The following MARCHF6 variants were observed in gnomAD, a reference collection of about 807,000 sequenced individuals.
MARCHF6 encodes the protein membrane associated ring-CH-type finger 6, also known as E3 ubiquitin-protein ligase MARCHF6.
Under a neutral mutation model 133.7 loss-of-function variants are expected in MARCHF6, and 31 were observed. That is an observed-to-expected ratio of 0.23 (90% CI 0.17 to 0.31). The LOEUF (loss-of-function observed/expected upper bound fraction) is 0.31. Among genes scored for constraint, MARCHF6 ranks in the 10% least tolerant of loss-of-function variants. The pLI, the probability that MARCHF6 is intolerant of heterozygous loss-of-function variation, is 1.00. For missense variants in MARCHF6, 723 were observed against 1,121.6 expected, an observed-to-expected ratio of 0.64 and a Z score of 5.08; for synonymous variants, 395 against 402.5, an observed-to-expected ratio of 0.98 and a Z score of 0.22.
At position 10,377,908 on chromosome 5, in the gene MARCHF6, T is replaced by C. The variant is rs551982830; in HGVS notation, c.116+14T>C. ...CCATCAAGAATGGTAAGTCATACTTTTAGAAAGTTATGTAAGTCTGAGCTT... is the reference window on the plus strand; with the variant it reads ...CCATCAAGAATGGTAAGTCATACTTCTAGAAAGTTATGTAAGTCTGAGCTT... On this transcript the variant is annotated intron_variant, in intron 2 of 25. Coordinates refer to ENST00000274140, the MANE Select transcript of MARCHF6 (RefSeq NM_005885.4). 2.6e-6 allele frequency: 4 copies of C among 1,525,424 alleles called. No homozygotes were observed. The highest frequency in any genetic ancestry group is 2.3e-5 in the East Asian group (1 of 44,424). The allele number at this position is 1,525,424 out of a possible 1,614,324, so 94.5% of individuals were successfully genotyped here.
intron 1 of MARCHF6, among the ~76,000 whole-genome samples, chr5:10,357,848 T>C (rs759972141): frequency 2.6e-5 from 4 of 152,218 alleles, no homozygotes; most frequent in South Asian, 2.1e-4. Flanking sequence ...ATTATAGTTA[T>C]TAGCTTAAGA....
At chr5:10,385,696 A>G (rs572060851) in intron 4 of MARCHF6, among the ~76,000 whole-genome samples, 1 of 152,336 alleles carries the variant, frequency 6.6e-6, no homozygotes, top group African/African-American at 2.4e-5. Flanking sequence ...AAAGCATTAT[A>G]TTTCATATTA....
chr5:10,384,219 A>C (rs1737330779), intron 4 of MARCHF6, among the ~76,000 whole-genome samples: 2 of 152,256 alleles, frequency 1.3e-5, no homozygotes, highest in South Asian at 4.1e-4. Context: ...CAGGAGAATA[A>C]GCATAAAACA....
At chr5:10,417,504 G>A (rs1055892196) in intron 22 of MARCHF6, 100 bp downstream of exon 22, 29 of 1,483,946 alleles carry the variant, frequency 2.0e-5, no homozygotes, top group Non-Finnish European at 2.4e-5. Context: ...CTAGCACTTT[G>A]GGAGGCTGAG....
intron 1 of MARCHF6, among the ~76,000 whole-genome samples, chr5:10,360,851 T>A (rs1356573856): frequency 6.6e-6 from 1 of 152,180 alleles, no homozygotes; most frequent in African/African-American, 2.4e-5. Flanking sequence ...TAGAATACTT[T>A]TTAGACTGAA....
chr5:10,391,439 T>TC, intron 6 of MARCHF6, 103 bp from the exon 7 acceptor site: 1 of 311,954 alleles, frequency 3.2e-6, no homozygotes, highest in Non-Finnish European at 5.5e-6. Flanking sequence ...GGCCTAGGTT[T>TC]TTTTTTTTTT....
In MARCHF6 at chr5:10,437,750, T is replaced by G. The variant is rs1277958162; in HGVS notation, c.*4066T>G. ...AAACACCTTAGGGTACCCAGACCAA[T>G]TTTATGTATATATATTCTGAAATGC... On this transcript the variant is annotated 3_prime_UTR_variant, in exon 26 of 26. Transcript: ENST00000274140. 2.0e-5 allele frequency: 3 copies of G among 152,230 alleles called. No homozygotes were observed. The highest frequency in any genetic ancestry group is 7.2e-5 in the African/African-American group (3 of 41,448). 9.4% of individuals were successfully genotyped at this position (152,230 alleles called of 1,614,324 possible).
intron 1 of MARCHF6, among the ~76,000 whole-genome samples, chr5:10,356,512 CAGCCT>C (rs1232434579): frequency 1.3e-5 from 2 of 151,784 alleles, no homozygotes; most frequent in East Asian, 3.9e-4. Flanking sequence ...TCTCCTGTCT[CAGCCT>C]CCTGAGTAGC....
intron 21 of MARCHF6, among the ~76,000 whole-genome samples, chr5:10,416,348 A>G (rs1371715656): frequency 6.6e-6 from 1 of 152,172 alleles, no homozygotes; most frequent in Non-Finnish European, 1.5e-5. Context: ...TTTTGATTTC[A>G]TTAGAAGTTT....
chr5:10,377,815 C>A lies in MARCHF6; in HGVS notation c.37C>A (p.Arg13=). The A allele has an allele frequency of 1.2e-6, 2 of 1,610,824 alleles. No individual in the cohort carries two copies. The highest frequency in any genetic ancestry group is 1.7e-6 in the Non-Finnish European group (2 of 1,177,104). ...ATTGGCAGACATATGTAGAGTGTGT[C>A]GGTCAGAAGGAACACCTGAGAAACC... is the stretch of plus-strand genomic sequence containing the variant. ...TAEEDICRVC[R]SEGTPEKPLY... is the part of the protein sequence containing the mutation. The change falls in exon 2 of 26, where the codon CGG becomes AGG. Residue 13 remains arginine, a synonymous_variant. Transcript: ENST00000274140.
At position 10,387,028 on chromosome 5, in the gene MARCHF6, G is replaced by T. The variant is rs1398951356; in HGVS notation, c.369G>T (p.Val123=). 8 of 1,613,160 alleles carry T rather than the reference G, an allele frequency of 5.0e-6. No individual in the cohort carries two copies. Among genetic ancestry groups the T allele is most frequent in the Non-Finnish European group, 5.9e-6 (7 of 1,179,252 alleles). The change falls in exon 5 of 26, where the codon GTG becomes GTT. Residue 123 remains valine (V), a synonymous_variant. Transcript: ENST00000274140. ...RIYKCLFTGS[V]SSLLTLPLDM... Reference sequence around the variant, plus strand: ...ACAAGTGCTTGTTTACTGGCTCCGTGAGCTCACTACTGACGCTGCCATTAG... The same window carrying T: ...ACAAGTGCTTGTTTACTGGCTCCGTTAGCTCACTACTGACGCTGCCATTAG...
intron 11 of MARCHF6, 87 bp downstream of exon 11, chr5:10,400,929 A>G: frequency 2.8e-6 from 3 of 1,059,690 alleles, no homozygotes; most frequent in East Asian, 2.4e-5. Context: ...GAGTTACATC[A>G]TTTCTTCATT....
intron 19 of MARCHF6, among the ~76,000 whole-genome samples, chr5:10,411,999 A>G (rs1268548004): frequency 6.6e-6 from 1 of 152,210 alleles, no homozygotes; most frequent in Non-Finnish European, 1.5e-5. Flanking sequence ...TTTTGTCAGA[A>G]ATGTAAGCTG....
chr5:10,370,886 C>T (rs1736427602), intron 1 of MARCHF6, among the ~76,000 whole-genome samples: 1 of 152,112 alleles, frequency 6.6e-6, no homozygotes, highest in Admixed American at 6.5e-5. Context: ...ATGGAGCAGT[C>T]TACTGTGCAA....
intron 10 of MARCHF6, among the ~76,000 whole-genome samples, chr5:10,399,388 G>C (rs916883571): frequency 1.3e-5 from 2 of 151,878 alleles, no homozygotes; most frequent in Non-Finnish European, 2.9e-5. Context: ...AGTCAGAAAG[G>C]GTTAGAGGCC....
intron 23 of MARCHF6, among the ~76,000 whole-genome samples, chr5:10,424,236 G>C (rs917508379): frequency 1.8e-4 from 27 of 152,280 alleles, no homozygotes; most frequent in Admixed American, 1.8e-3. Context: ...TGAGTCTCTA[G>C]GGGTGGCAAG....
intron 9 of MARCHF6, 106 bp downstream of exon 9, chr5:10,394,891 C>G: frequency 1.5e-6 from 1 of 661,586 alleles, no homozygotes; most frequent in South Asian, 1.8e-5. Context: ...CCTCCGTCTC[C>G]TGGGTTCATG....
intron 1 of MARCHF6, among the ~76,000 whole-genome samples, chr5:10,372,376 C>A (rs1462942489): frequency 1.3e-5 from 2 of 152,048 alleles, no homozygotes; most frequent in Admixed American, 1.3e-4. Context: ...GATTTAAAAG[C>A]ATGTAGCAAT....
At chr5:10,426,106 A>G (rs1740072216) in intron 23 of MARCHF6, among the ~76,000 whole-genome samples, 1 of 152,204 alleles carries the variant, frequency 6.6e-6, no homozygotes, top group Non-Finnish European at 1.5e-5. Flanking sequence ...ACTGAATGTC[A>G]TCTGGTATTG....
Sources: gnomAD v4.1 joint callset for allele counts (sites outside exome capture counted in the v4.1 genomes callset) on GRCh38, gnomAD v4.1.1 for gene constraint, MANE v1.5 for transcripts, NCBI Gene and HGNC (gene_info 2026-07-23, HGNC 2026-07-21) for gene names.